FOXN2: variants seen among roughly 807,000 people sequenced by gnomAD.
The protein encoded by FOXN2 is forkhead box protein N2.
A neutral mutation model predicts 41.2 loss-of-function variants in FOXN2; 19 were observed. That is an observed-to-expected ratio of 0.46 (90% CI 0.32 to 0.68). The LOEUF is 0.68. Among genes scored for constraint, FOXN2 ranks in the 30% least tolerant of loss-of-function variants. The pLI, the probability that FOXN2 is intolerant of heterozygous loss-of-function variation, is 0.03. For missense variants in FOXN2, 587 were observed against 509.4 expected (o/e 1.15, Z -1.47); for synonymous variants, 195 against 176.8 (o/e 1.10, Z -0.82).
chr2:48,369,969 C>T (rs1401530866), intron 5 of FOXN2, among the ~76,000 whole-genome samples: 1 of 151,308 alleles, frequency 6.6e-6, no homozygotes, highest in African/African-American at 2.4e-5. Context: ...CACTACACTC[C>T]AGCCTGAGTG....
chr2:48,315,764 C>A (rs1043010583), intron 1 of FOXN2, among the ~76,000 whole-genome samples: 1 of 152,222 alleles, frequency 6.6e-6, no homozygotes, highest in Non-Finnish European at 1.5e-5. Flanking sequence ...CACTGCATCT[C>A]TCGGGAGTTG....
intron 1 of FOXN2, among the ~76,000 whole-genome samples, chr2:48,320,765 T>C (rs1233084163): frequency 5.3e-5 from 8 of 152,206 alleles, no homozygotes. Context: ...TAGGATGAGA[T>C]GCTTACATCT....
chr2:48,336,808 A>T (rs1558619318), intron 2 of FOXN2, among the ~76,000 whole-genome samples: 1 of 149,888 alleles, frequency 6.7e-6, no homozygotes, highest in African/African-American at 2.4e-5. Context: ...ACACCTGGCA[A>T]TTTTTTTTTT....
intron 2 of FOXN2, among the ~76,000 whole-genome samples, chr2:48,342,552 A>G (rs1439773969): frequency 6.6e-6 from 1 of 151,952 alleles, no homozygotes. Context: ...TTTATTTTAT[A>G]TTTTTTAAAA....
At chr2:48,353,779 G>C (rs974878655) in intron 3 of FOXN2, among the ~76,000 whole-genome samples, 6 of 151,568 alleles carry the variant, frequency 4.0e-5, no homozygotes, top group Non-Finnish European at 7.4e-5. Context: ...CCTTCTCTTT[G>C]CCTTCTTTGA....
At chr2:48,349,207 T>C (rs552455618) in intron 3 of FOXN2, among the ~76,000 whole-genome samples, 108 of 152,134 alleles carry the variant, frequency 7.1e-4, no homozygotes, top group Middle Eastern at 3.4e-3. Flanking sequence ...CAACTTTGGC[T>C]GAGTGCAGTG....
intron 4 of FOXN2, among the ~76,000 whole-genome samples, chr2:48,361,018 A>G (rs1374633349): frequency 6.6e-6 from 1 of 151,954 alleles, no homozygotes; most frequent in African/African-American, 2.4e-5. Flanking sequence ...CATCTCAAAA[A>G]AAAAAAAAAG....
rs910722859 is a variant in FOXN2, at chr2:48,322,357, G to C, written c.-156-6204G>C. On this transcript the variant is annotated intron_variant, in intron 1 of 6. Coordinates refer to ENST00000340553, the MANE Select transcript of FOXN2 (RefSeq NM_002158.4). Reference sequence around the variant, plus strand: ...CCACACAAAACAAATGTGTAACTTAGTGAATTATAAGGCTAGCACCTGTGT... The same window carrying C: ...CCACACAAAACAAATGTGTAACTTACTGAATTATAAGGCTAGCACCTGTGT... Among the ~76,000 whole-genome samples, 8 of 152,098 alleles carry C rather than the reference G, an allele frequency of 5.3e-5. No homozygotes were observed. The East Asian group carries it at 1.2e-3, about 22-fold the overall frequency.
chr2:48,332,438 T>C (rs989640474), intron 2 of FOXN2, among the ~76,000 whole-genome samples: 4 of 152,096 alleles, frequency 2.6e-5, no homozygotes, highest in African/African-American at 9.7e-5. Context: ...GGGACAAATA[T>C]AATAAGGAAG....
intron 3 of FOXN2, among the ~76,000 whole-genome samples, chr2:48,358,232 A>G (rs756092165): frequency 3.3e-5 from 5 of 152,018 alleles, no homozygotes; most frequent in East Asian, 1.9e-4. Context: ...GGAACATACT[A>G]TTATTCAACC....
chr2:48,347,220 C>CTTTTTTTTTTTTTTTT (rs751958598), intron 3 of FOXN2, among the ~76,000 whole-genome samples: 2 of 75,738 alleles, frequency 2.6e-5, no homozygotes, highest in Non-Finnish European at 4.8e-5. Context: ...TGTTTTGGTG[C>CTTTTTTTTTTTTTTTT]TTTTTTTTTT....
intron 3 of FOXN2, among the ~76,000 whole-genome samples, chr2:48,349,161 C>G (rs1440919861): frequency 6.6e-6 from 1 of 152,330 alleles, no homozygotes; most frequent in East Asian, 1.9e-4. Context: ...TAGAGGGAGA[C>G]TCTGTCTCAC....
At position 48,378,312 on chromosome 2, in the gene FOXN2, T is replaced by G. The variant is rs1673371101; in HGVS notation, c.*2869T>G. The stretch of plus-strand genomic sequence containing the variant: ...CCTCCCTTTTTCCACCTTCAAGCCT[T>G]TCCTGTCCTCATAGCCAGCATGACT... On this transcript the variant is annotated 3_prime_UTR_variant, in exon 7 of 7. Transcript: ENST00000340553. The G allele has an allele frequency of 6.6e-6, 1 of 152,354 alleles. No homozygotes were observed. Among genetic ancestry groups the G allele is most frequent in the Non-Finnish European group, 1.5e-5 (1 of 67,906 alleles). The allele number at this position is 152,354 out of a possible 1,614,324, so 9.4% of individuals were successfully genotyped here. A position where few individuals can be genotyped will look rare whatever the true frequency, so the allele number is the denominator to read the frequency against.
upstream of FOXN2, among the ~76,000 whole-genome samples, chr2:48,314,260 G>A (rs1668733431): frequency 1.3e-5 from 2 of 152,362 alleles, no homozygotes; most frequent in African/African-American, 2.4e-5. Flanking sequence ...CCGCCCCCGC[G>A]CCTCCTCGAC....
At chr2:48,335,185 A>G (rs931701625) in intron 2 of FOXN2, among the ~76,000 whole-genome samples, 4 of 152,250 alleles carry the variant, frequency 2.6e-5, no homozygotes, top group South Asian at 2.1e-4. Flanking sequence ...TATCAGATGT[A>G]AAATAGAAAA....
chr2:48,324,402 C>G (rs1669531316), intron 1 of FOXN2, among the ~76,000 whole-genome samples: 1 of 152,090 alleles, frequency 6.6e-6, no homozygotes, highest in Non-Finnish European at 1.5e-5. Flanking sequence ...CCATTTTGGC[C>G]AGGCAGGTCT....
rs1423704837 is a variant in FOXN2 at position 48,346,483 on chromosome 2, G to C, written c.269G>C (p.Gly90Ala). 6.2e-7 allele frequency: 1 copy of C among 1,614,080 alleles called. No homozygotes were observed. Among genetic ancestry groups the C allele is most frequent in the African/African-American group, 1.3e-5 (1 of 75,026 alleles). ...PIVSPLYDIEGDDVPSFGPAC... is the reference protein window; with the variant it reads ...PIVSPLYDIEADDVPSFGPAC... ...GTTAGTCCATTGTATGACATAGAGG[G>C]AGATGATGTGCCATCCTTTGGACCA... Residue 90 changes from glycine (G) to alanine (A), a missense_variant, in exon 3 of 7, where the codon GGA becomes GCA. Coordinates refer to ENST00000340553, the MANE Select transcript of FOXN2 (RefSeq NM_002158.4).
chr2:48,338,157 A>G (rs1215279059), intron 2 of FOXN2, among the ~76,000 whole-genome samples: 1 of 152,212 alleles, frequency 6.6e-6, no homozygotes, highest in Non-Finnish European at 1.5e-5. Context: ...AACACAAAAA[A>G]ACTTCCTTTA....
intron 1 of FOXN2, among the ~76,000 whole-genome samples, chr2:48,323,121 G>A (rs1287538399): frequency 6.6e-6 from 1 of 151,822 alleles, no homozygotes; most frequent in Non-Finnish European, 1.5e-5. Flanking sequence ...CTTTAGTCAT[G>A]ATGGAGGTTT....
Sources: gnomAD v4.1 joint callset for allele counts (sites outside exome capture counted in the v4.1 genomes callset) on GRCh38, gnomAD v4.1.1 for gene constraint, MANE v1.5 for transcripts, NCBI Gene and HGNC (gene_info 2026-07-23, HGNC 2026-07-21) for gene names.